LLGL1: variants seen among roughly 807,000 people sequenced by gnomAD.
LLGL1 encodes LLGL scribble cell polarity complex component 1, also known as lethal(2) giant larvae protein homolog 1.
LLGL1 carries 58 observed loss-of-function variants against 110.6 expected under a neutral mutation model. The ratio of observed to expected loss-of-function variants is 0.52; its 90% CI spans 0.42 to 0.65. The LOEUF (loss-of-function observed/expected upper bound fraction) is 0.65, where lower values mean the gene tolerates loss of function less well. Among genes scored for constraint, LLGL1 ranks in the 30% least tolerant of loss-of-function variants. The probability of loss-of-function intolerance (pLI) is 0.00; values close to 1 mark genes in which losing one functional copy is unlikely to be tolerated. For missense variants in LLGL1, 1,229 were observed against 1,462.1 expected (o/e 0.84, Z 2.60); for synonymous variants, 674 against 607.2 (o/e 1.11, Z -1.62).
At chr17:18,239,509 G>A (rs2047774996) in intron 16 of LLGL1, among the ~76,000 whole-genome samples, 1 of 151,840 alleles carries the variant, frequency 6.6e-6, no homozygotes, top group Non-Finnish European at 1.5e-5. Context: ...ATTCTTTGCT[G>A]TTTTTTTTGC....
At chr17:18,232,435 G>A in intron 2 of LLGL1, 60 bp from the exon 3 acceptor site, 2 of 1,443,076 alleles carry the variant, frequency 1.4e-6, no homozygotes, top group South Asian at 2.5e-5. Context: ...AGCCTTGGGT[G>A]TCTTCCTCAC....
rs565973698 is a variant in LLGL1, at chr17:18,233,427, A to G, written c.393-351A>G. Among the ~76,000 whole-genome samples the G allele has an allele frequency of 1.3e-3, 202 of 152,018 alleles. 2 individuals carry two copies. The highest frequency in any genetic ancestry group is 4.7e-3 in the African/African-American group (194 of 41,448). ...TGGGGCCCTCCTGCGAAGTCAGGAG[A>G]TGTCTGAGCGCTGGCAGCGGGATTC... On this transcript the variant is annotated intron_variant, in intron 4 of 22. Coordinates refer to ENST00000316843, the MANE Select transcript of LLGL1 (RefSeq NM_004140.4).
In LLGL1 at chr17:18,235,483, C is replaced by A; in HGVS notation, c.1298C>A (p.Thr433Asn). 1.2e-6 allele frequency: 2 copies of A among 1,614,078 alleles called. No homozygotes were observed. The highest frequency in any genetic ancestry group is 1.7e-6 in the Non-Finnish European group (2 of 1,180,002). Residue 433 changes from threonine (T) to asparagine (N), a missense_variant, in exon 11 of 23, where the codon ACT becomes AAT. Coordinates refer to ENST00000316843, the MANE Select transcript of LLGL1 (RefSeq NM_004140.4). ...ACCCCCTCCCAGAGCTGGCCCATCA[C>A]TGGGGGCCGAAACCTGGCCCAGGAG... ...PVSSALSWPITGGRNLAQEPS... is the reference protein window; with the variant it reads ...PVSSALSWPINGGRNLAQEPS...
chr17:18,227,902 A>G (rs1477002018), intron 1 of LLGL1, among the ~76,000 whole-genome samples: 1 of 152,140 alleles, frequency 6.6e-6, no homozygotes, highest in Non-Finnish European at 1.5e-5. Flanking sequence ...TCGCTAGGGA[A>G]TAGGCCCCTG....
At chr17:18,241,001 G>A in intron 17 of LLGL1, 128 bp downstream of exon 17, 2 of 1,044,684 alleles carry the variant, frequency 1.9e-6, no homozygotes, top group Non-Finnish European at 2.7e-6. Context: ...TAATTCCCTT[G>A]CACCCCAGAA....
rs138406543 is a variant in LLGL1, at chr17:18,237,484, C to T, written c.1615C>T (p.Leu539=). 3.2e-6 allele frequency: 5 copies of T among 1,579,264 alleles called. No individual in the cohort carries two copies. Among genetic ancestry groups the T allele is most frequent in the African/African-American group, 2.7e-5 (2 of 74,488 alleles). ...CCCTGCCTGGCTGTGGGCTCAGGTG[C>T]TGGTACTGGAGCTTAGTGATGTGCC... ...MVVAGTAGQV[L]VLELSDVPVE... Residue 539 remains leucine, a synonymous_variant, in exon 14 of 23, where the codon CTG becomes TTG. Transcript: ENST00000316843.
rs577399836 is a variant in LLGL1, at chr17:18,228,669, C to T, written c.82-1272C>T. Among the ~76,000 whole-genome samples, 4 of 152,286 alleles carry T rather than the reference C, an allele frequency of 2.6e-5. No homozygotes were observed. In the South Asian group the frequency reaches 8.3e-4, roughly 32 times the overall value. On this transcript the variant is annotated intron_variant, in intron 1 of 22. Transcript: ENST00000316843. ...GGGAAGGCTGTGGGGATTTGCGATG[C>T]AGTGTCCCGTCTCTGGACCCTGGTT... is the stretch of plus-strand genomic sequence containing the variant.
chr17:18,228,877 G>A (rs1470048647), intron 1 of LLGL1, among the ~76,000 whole-genome samples: 3 of 152,002 alleles, frequency 2.0e-5, no homozygotes, highest in Non-Finnish European at 4.4e-5. Context: ...CTTGCCCAAG[G>A]CCAGACAGCT....
Position 18,232,668 on chromosome 17 carries a change from C to A in LLGL1, c.262-4C>A, listed in dbSNP as rs1278332257. 1 of 1,614,170 alleles carries A rather than the reference C, an allele frequency of 6.2e-7. No homozygotes were observed. The highest frequency in any genetic ancestry group is 8.5e-7 in the Non-Finnish European group (1 of 1,180,004). On this transcript the variant is annotated splice_polypyrimidine_tract_variant and splice_region_variant and intron_variant, in intron 3 of 22. Coordinates refer to ENST00000316843, the MANE Select transcript of LLGL1 (RefSeq NM_004140.4). ...CCTAGTTTTCATCTCTGCTCACACA[C>A]CAGGGCCGCCTCCTGTCCCTGCTTG...
chr17:18,235,335 T>TCTTACAGGGTGGA, intron 10 of LLGL1, 23 bp downstream of exon 10: 2 of 1,607,762 alleles, frequency 1.2e-6, no homozygotes, highest in Non-Finnish European at 1.7e-6. Flanking sequence ...ATCAGGGGGG[T>TCTTACAGGGTGGA]CTTACAGGGT....
intron 2 of LLGL1, among the ~76,000 whole-genome samples, 162 bp downstream of exon 2, chr17:18,230,200 G>A (rs1010903983): frequency 1.3e-5 from 2 of 152,172 alleles, no homozygotes; most frequent in Non-Finnish European, 2.9e-5. Context: ...CGTGGCTTCT[G>A]TACCTGAGAC....
chr17:18,237,034 C>T (rs1567691891), intron 13 of LLGL1, 95 bp downstream of exon 13: 4 of 1,090,192 alleles, frequency 3.7e-6, no homozygotes, highest in Non-Finnish European at 5.4e-6. Context: ...TGGACTGGCA[C>T]AGGCAAAAGC....
chr17:18,229,882 T>C, intron 1 of LLGL1, 59 bp from the exon 2 acceptor site: 3 of 1,247,518 alleles, frequency 2.4e-6, no homozygotes, highest in Non-Finnish European at 3.4e-6. Context: ...GGCCTCAGGG[T>C]GGGCCATGGC....
chr17:18,237,556 C>T lies in LLGL1; in HGVS notation c.1687C>T (p.Arg563Cys), dbSNP rs763738289. Reference sequence around the variant, plus strand: ...GGCCATCATAGACCTCCTCCAGGACCGCGAGGGCTTCACATGGAAGGGCCA... The same window carrying T: ...GGCCATCATAGACCTCCTCCAGGACTGCGAGGGCTTCACATGGAAGGGCCA... ...SVAIIDLLQD[R>C]EGFTWKGHER... The change falls in exon 14 of 23, where the codon CGC (arginine) becomes TGC (cysteine). Residue 563 changes from arginine (R) to cysteine (C), a missense_variant. Physicochemically the swap from Arg to Cys is radical, Grantham distance 180. Coordinates refer to ENST00000316843, the MANE Select transcript of LLGL1 (RefSeq NM_004140.4). The T allele has an allele frequency of 1.7e-5, 27 of 1,609,462 alleles. No homozygotes were observed. The highest frequency in any genetic ancestry group is 1.1e-4 in the East Asian group (5 of 44,824).
chr17:18,232,823 G>A lies in LLGL1; in HGVS notation c.392+21G>A, dbSNP rs772845824. 3.7e-6 allele frequency: 6 copies of A among 1,613,480 alleles called. No homozygotes were observed. The East Asian group carries it at 6.7e-5, about 18-fold the overall frequency. ...GCCAGGTACTGGAGAACTTGGCTGG[G>A]GCCAGCCACCGGGCAGGGAGGATCT... On this transcript the variant is annotated intron_variant, in intron 4 of 22. Coordinates refer to ENST00000316843, the MANE Select transcript of LLGL1 (RefSeq NM_004140.4).
At chr17:18,239,416 TAGAG>T (rs1170804018) in intron 16 of LLGL1, among the ~76,000 whole-genome samples, 5 of 152,058 alleles carry the variant, frequency 3.3e-5, no homozygotes, top group African/African-American at 4.8e-5. Context: ...TACACAAAAA[TAGAG>T]AGGTGCAAAG....
chr17:18,231,010 C>T (rs1266499687), intron 2 of LLGL1, among the ~76,000 whole-genome samples: 5 of 152,226 alleles, frequency 3.3e-5, no homozygotes, highest in African/African-American at 1.2e-4. Flanking sequence ...TGGCCTGCTG[C>T]TCCCACTCCT....
At chr17:18,241,175 G>A (rs1403053473) in intron 17 of LLGL1, 6 of 591,528 alleles carry the variant, frequency 1.0e-5, no homozygotes, top group Middle Eastern at 8.9e-4. Context: ...GCTCTGCCTC[G>A]AAAGAACTCG....
At chr17:18,235,779 A>G (rs1214315889) in intron 11 of LLGL1, 3 of 531,760 alleles carry the variant, frequency 5.6e-6, no homozygotes, top group Non-Finnish European at 1.0e-5. Flanking sequence ...CCACCCGCCC[A>G]GCCTGCCTGC....
Sources: gnomAD v4.1 joint callset for allele counts (sites outside exome capture counted in the v4.1 genomes callset) on GRCh38, gnomAD v4.1.1 for gene constraint, MANE v1.5 for transcripts, NCBI Gene and HGNC (gene_info 2026-07-23, HGNC 2026-07-21) for gene names.